Variants in ABLIM1 observed in about 807,000 individuals in gnomAD.
ABLIM1 encodes actin-binding LIM protein 1.
In ABLIM1, 40 loss-of-function variants were observed where a neutral mutation model predicts 107.0. The observed-to-expected ratio is 0.37, with a 90% CI of 0.29 to 0.49. ABLIM1 has a LOEUF of 0.49. ABLIM1 is among the 20% of genes least tolerant of loss of function. The pLI, the probability that ABLIM1 is intolerant of heterozygous loss-of-function variation, is 0.97. For synonymous variants in ABLIM1, 357 were observed against 357.3 expected (o/e 1.00, Z 0.01); for missense variants, 857 against 1,008.5 (o/e 0.85, Z 2.04).
intron 12 of ABLIM1, among the ~76,000 whole-genome samples, chr10:114,456,586 T>A (rs2062862771): frequency 1.3e-5 from 2 of 152,212 alleles, no homozygotes; most frequent in South Asian, 2.1e-4. Context: ...TAGGTTTTGG[T>A]TATAATACAC....
upstream of ABLIM1, chr10:114,768,080 G>C: frequency 2.3e-6 from 1 of 429,758 alleles, no homozygotes; most frequent in South Asian, 1.6e-5. Flanking sequence ...ACATGGTGCA[G>C]GCAGCGGGAG....
intron 1 of ABLIM1, among the ~76,000 whole-genome samples, chr10:114,676,693 T>G (rs1199841752): frequency 6.6e-6 from 1 of 152,082 alleles, no homozygotes; most frequent in African/African-American, 2.4e-5. Flanking sequence ...GACTCCTAAG[T>G]CCTTTCACTG....
chr10:114,761,995 T>TCTCC (rs1334199516), intron 1 of ABLIM1, among the ~76,000 whole-genome samples: 1 of 151,558 alleles, frequency 6.6e-6, no homozygotes, highest in Admixed American at 6.6e-5. Flanking sequence ...TCTCTCTCTC[T>TCTCC]CTCTCTCTCT....
At chr10:114,689,754 G>T (rs921859544), upstream of ABLIM1, among the ~76,000 whole-genome samples, 15 of 150,258 alleles carry the variant, frequency 1.0e-4, no homozygotes, top group Non-Finnish European at 7.4e-5. Flanking sequence ...TTCAAAAAAA[G>T]ATTCGAGATG....
At chr10:114,771,726 A>C (rs930153899), upstream of ABLIM1, among the ~76,000 whole-genome samples, 2 of 152,232 alleles carry the variant, frequency 1.3e-5, no homozygotes, top group African/African-American at 2.4e-5. Context: ...GAATTTTAGG[A>C]GACATAGTAA....
rs1018252697 is a variant in ABLIM1 at position 114,603,484 on chromosome 10, A to G, written c.245-1523T>C. Among the ~76,000 whole-genome samples the G allele has an allele frequency of 3.9e-5, 6 of 152,110 alleles. No homozygotes were observed. In the East Asian group the frequency reaches 5.8e-4, roughly 15 times the overall value. Reference sequence around the variant, plus strand: ...GCAATTCACCTGCAATTCCTTATCTACCTCCTGGGATCTCTCTTGAAAACC... The same window carrying G: ...GCAATTCACCTGCAATTCCTTATCTGCCTCCTGGGATCTCTCTTGAAAACC... On this transcript the variant is annotated intron_variant, in intron 1 of 22. Transcript: ENST00000533213.
intron 2 of ABLIM1, among the ~76,000 whole-genome samples, chr10:114,588,745 T>C (rs1217179327): frequency 6.6e-6 from 1 of 152,034 alleles, no homozygotes; most frequent in Non-Finnish European, 1.5e-5. Context: ...ACTCAAGTGA[T>C]CCACCAGCCT....
intron 1 of ABLIM1, among the ~76,000 whole-genome samples, chr10:114,751,748 CAA>C (rs34322728): frequency 0.08 from 9,452 of 118,262 alleles, 297 homozygotes; most frequent in Middle Eastern, 0.11. Flanking sequence ...GACTCTGTCT[CAA>C]AAAAAAAAAA....
At chr10:114,731,773 C>A (rs1465250413) in intron 1 of ABLIM1, among the ~76,000 whole-genome samples, 3 of 151,908 alleles carry the variant, frequency 2.0e-5, no homozygotes, top group African/African-American at 7.3e-5. Flanking sequence ...CCACACCCAG[C>A]TAATTTTTGT....
At chr10:114,540,300 T>C (rs2066498340) in intron 6 of ABLIM1, among the ~76,000 whole-genome samples, 1 of 152,162 alleles carries the variant, frequency 6.6e-6, no homozygotes, top group African/African-American at 2.4e-5. Context: ...GCCCAAGTCT[T>C]GGAATTACAC....
intron 17 of ABLIM1, among the ~76,000 whole-genome samples, chr10:114,442,628 G>A (rs1375919588): frequency 3.3e-5 from 5 of 152,082 alleles, no homozygotes; most frequent in East Asian, 3.9e-4. Flanking sequence ...TGTGGGCTCC[G>A]GGGTTATAAT....
chr10:114,751,295 T>A (rs1375249293), intron 1 of ABLIM1, among the ~76,000 whole-genome samples: 1 of 152,058 alleles, frequency 6.6e-6, no homozygotes, highest in East Asian at 1.9e-4. Context: ...GAAAAATAAA[T>A]AAATAAAAGA....
chr10:114,601,660 G>A (rs1276640776), intron 2 of ABLIM1, 167 bp downstream of exon 2: 9 of 1,120,732 alleles, frequency 8.0e-6, no homozygotes, highest in Admixed American at 1.7e-5. Flanking sequence ...ACTCGTTCTC[G>A]CCCTAGAGTC....
chr10:114,601,721 T>A (rs1440426450), intron 2 of ABLIM1, 106 bp downstream of exon 2: 7 of 1,552,078 alleles, frequency 4.5e-6, no homozygotes, highest in Non-Finnish European at 6.2e-6. Context: ...CTGAGAGCAT[T>A]CGCTTATCAT....
At chr10:114,686,387 C>T (rs1389694050), upstream of ABLIM1, among the ~76,000 whole-genome samples, 1 of 151,880 alleles carries the variant, frequency 6.6e-6, no homozygotes, top group Non-Finnish European at 1.5e-5. Context: ...GCGGCCTGCA[C>T]CTATAGTCCT....
At chr10:114,600,976 T>A (rs974870903) in intron 2 of ABLIM1, among the ~76,000 whole-genome samples, 2 of 151,732 alleles carry the variant, frequency 1.3e-5, no homozygotes, top group East Asian at 3.9e-4. Context: ...ACCAAACTGG[T>A]AGCTTCTTGG....
intron 1 of ABLIM1, among the ~76,000 whole-genome samples, chr10:114,747,139 A>G (rs1227197080): frequency 1.3e-5 from 2 of 152,294 alleles, no homozygotes; most frequent in East Asian, 3.9e-4. Context: ...TTTTTCACAA[A>G]TTGGTGAAGA....
the ABLIM1 span, among the ~76,000 whole-genome samples, chr10:114,789,436 C>T: frequency 6.6e-6 from 1 of 152,122 alleles, no homozygotes. Flanking sequence ...TTAGTGTGAG[C>T]TTCCCATTGA....
At chr10:114,605,716 C>T (rs1161862354) in intron 1 of ABLIM1, among the ~76,000 whole-genome samples, 2 of 152,120 alleles carry the variant, frequency 1.3e-5, no homozygotes, top group Non-Finnish European at 2.9e-5. Flanking sequence ...TACAAAGAGC[C>T]AAGAGTCTAC....
Sources: allele counts gnomAD v4.1 joint callset (sites outside exome capture counted in the v4.1 genomes callset), GRCh38; gene constraint gnomAD v4.1.1; transcripts MANE v1.5; gene names NCBI Gene and HGNC (gene_info 2026-07-23, HGNC 2026-07-21).